FILIP1L: variants seen among roughly 807,000 people sequenced by gnomAD.
The protein encoded by FILIP1L is filamin A interacting protein 1 like, also known as filamin A-interacting protein 1-like.
A neutral mutation model predicts 96.6 loss-of-function variants in FILIP1L; 55 were observed. That is an observed-to-expected ratio of 0.57 (90% CI 0.46 to 0.71). The LOEUF (loss-of-function observed/expected upper bound fraction) is 0.71. Among genes scored for constraint, FILIP1L ranks in the 30% least tolerant of loss-of-function variants. FILIP1L has a pLI of 0.00. For synonymous variants in FILIP1L, 467 were observed against 473.9 expected (o/e 0.99, Z 0.19); for missense variants, 1,304 against 1,321.2 (o/e 0.99, Z 0.20).
At chr3:99,984,048 A>ATGTGTGTGTGTG (rs367846393) in intron 1 of FILIP1L, among the ~76,000 whole-genome samples, 10 of 147,684 alleles carry the variant, frequency 6.8e-5, no homozygotes, top group East Asian at 4.0e-4. Context: ...AAGGATGTAT[A>ATGTGTGTGTGTG]TGTATGTGTG....
At chr3:100,005,669 C>G (rs1249178807) in intron 1 of FILIP1L, among the ~76,000 whole-genome samples, 1 of 152,146 alleles carries the variant, frequency 6.6e-6, no homozygotes, top group Non-Finnish European at 1.5e-5. Context: ...ATTTATAAGC[C>G]TCTTTGAAAC....
chr3:100,035,458 A>G (rs1354868627), intron 1 of FILIP1L, among the ~76,000 whole-genome samples: 1 of 152,054 alleles, frequency 6.6e-6, no homozygotes, highest in Non-Finnish European at 1.5e-5. Context: ...TTTTTAGTAG[A>G]GACAGGGTTT....
chr3:99,953,757 T>A (rs528381348), intron 1 of FILIP1L, among the ~76,000 whole-genome samples: 1 of 152,256 alleles, frequency 6.6e-6, no homozygotes, highest in South Asian at 2.1e-4. Context: ...AGAAACTCAG[T>A]CTATACTGAC....
At chr3:99,927,213 A>G (rs1326685399) in intron 3 of FILIP1L, among the ~76,000 whole-genome samples, 2 of 152,240 alleles carry the variant, frequency 1.3e-5, no homozygotes, top group African/African-American at 4.8e-5. Flanking sequence ...TTTTCAATAC[A>G]TATTAACTAA....
At chr3:99,866,829 A>G (rs1355965160) in intron 4 of FILIP1L, among the ~76,000 whole-genome samples, 1 of 152,138 alleles carries the variant, frequency 6.6e-6, no homozygotes, top group Non-Finnish European at 1.5e-5. Flanking sequence ...CAGGTGGAAA[A>G]GTTTTATTCT....
At chr3:99,972,784 T>C (rs1295475544) in intron 1 of FILIP1L, among the ~76,000 whole-genome samples, 1 of 152,230 alleles carries the variant, frequency 6.6e-6, no homozygotes, top group African/African-American at 2.4e-5. Context: ...GTTAATGATG[T>C]TAACTTCCAT....
intron 1 of FILIP1L, among the ~76,000 whole-genome samples, chr3:100,101,735 A>G (rs1451144661): frequency 5.9e-5 from 9 of 152,000 alleles, no homozygotes; most frequent in African/African-American, 2.2e-4. Flanking sequence ...TCATCATTTA[A>G]CATTAGGTGT....
At chr3:99,978,724 G>A (rs181344269) in intron 1 of FILIP1L, among the ~76,000 whole-genome samples, 5 of 152,112 alleles carry the variant, frequency 3.3e-5, no homozygotes, top group East Asian at 1.9e-4. Flanking sequence ...GCAAAACCCC[G>A]CCTCTTCTAA....
intron 1 of FILIP1L, among the ~76,000 whole-genome samples, chr3:100,101,008 C>CTT (rs2066295185): frequency 6.6e-6 from 1 of 152,166 alleles, no homozygotes; most frequent in East Asian, 1.9e-4. Flanking sequence ...ACAGTGGCAT[C>CTT]TCACTTGCAT....
At chr3:100,091,141 T>C (rs34081874) in intron 1 of FILIP1L, among the ~76,000 whole-genome samples, 13,848 of 150,520 alleles carry the variant, frequency 0.092, 775 homozygotes, top group African/African-American at 0.14. Context: ...AAAACTTAGC[T>C]GGGCATGGTG....
intron 1 of FILIP1L, among the ~76,000 whole-genome samples, chr3:99,999,173 G>A (rs1362157648): frequency 6.6e-6 from 1 of 152,158 alleles, no homozygotes; most frequent in African/African-American, 2.4e-5. Context: ...GAGTAAAGCA[G>A]CCTTTATTTT....
intron 1 of FILIP1L, among the ~76,000 whole-genome samples, chr3:100,023,113 T>C (rs1165097295): frequency 6.6e-6 from 1 of 152,198 alleles, no homozygotes; most frequent in Non-Finnish European, 1.5e-5. Context: ...TGCCTGAGAA[T>C]GGAAAGATCA....
chr3:99,843,210 A>C (rs998903748), intron 5 of FILIP1L, among the ~76,000 whole-genome samples: 1 of 152,178 alleles, frequency 6.6e-6, no homozygotes, highest in East Asian at 1.9e-4. Flanking sequence ...CTTCCCAAGA[A>C]ATGCTACAGA....
At chr3:99,921,608 A>G (rs891155145) in intron 4 of FILIP1L, among the ~76,000 whole-genome samples, 5 of 152,182 alleles carry the variant, frequency 3.3e-5, no homozygotes, top group African/African-American at 7.2e-5. Flanking sequence ...ATATTCTCAT[A>G]TCTTCTGGAA....
intron 4 of FILIP1L, among the ~76,000 whole-genome samples, chr3:99,923,785 G>A (rs1319587760): frequency 6.6e-6 from 1 of 152,206 alleles, no homozygotes; most frequent in Non-Finnish European, 1.5e-5. Context: ...ATAAAGTCCA[G>A]CTGCTCAAGG....
intron 1 of FILIP1L, among the ~76,000 whole-genome samples, chr3:99,998,649 G>A (rs1440869772): frequency 1.3e-5 from 2 of 151,988 alleles, no homozygotes; most frequent in African/African-American, 2.4e-5. Flanking sequence ...TGCAAGCTCC[G>A]CCTCCCGGGT....
chr3:99,886,885 G>A (rs571057465), intron 4 of FILIP1L, among the ~76,000 whole-genome samples: 55 of 151,420 alleles, frequency 3.6e-4, no homozygotes, highest in African/African-American at 1.3e-3. Flanking sequence ...CAGGAGAATC[G>A]CTTGAACCTG....
intron 1 of FILIP1L, among the ~76,000 whole-genome samples, chr3:100,106,629 A>G (rs570822453): frequency 6.6e-6 from 1 of 152,262 alleles, no homozygotes; most frequent in African/African-American, 2.4e-5. Context: ...TTCCCTGGTA[A>G]GGGCTGTAGG....
chr3:100,053,561 C>T (rs751335344), intron 1 of FILIP1L, among the ~76,000 whole-genome samples: 13 of 152,160 alleles, frequency 8.5e-5, no homozygotes, highest in South Asian at 4.1e-4. Flanking sequence ...AACTTGATTA[C>T]GTCAGCAAAC....
Sources: allele counts gnomAD v4.1 joint callset (sites outside exome capture counted in the v4.1 genomes callset), GRCh38; gene constraint gnomAD v4.1.1; transcripts MANE v1.5; gene names NCBI Gene and HGNC (gene_info 2026-07-23, HGNC 2026-07-21).